The following SLC9A9 variants were observed in gnomAD, a reference collection of about 807,000 sequenced individuals.
SLC9A9 encodes the protein solute carrier family 9 member A9.
SLC9A9 carries 62 observed loss-of-function variants against 77.8 expected under a neutral mutation model. The ratio of observed to expected loss-of-function variants is 0.80; its 90% CI spans 0.65 to 0.98. SLC9A9 has a LOEUF of 0.98. SLC9A9 is among the 50% of genes least tolerant of loss of function. The pLI, the probability that SLC9A9 is intolerant of heterozygous loss-of-function variation, is 0.00. For synonymous variants in SLC9A9, 320 were observed against 283.5 expected (o/e 1.13, Z -1.29); for missense variants, 775 against 774.9 (o/e 1.00, Z 0.00).
rs142961845 is a variant in SLC9A9 at position 143,413,990 on chromosome 3, C to G, written c.1470-31876G>C. Among the ~76,000 whole-genome samples the G allele has an allele frequency of 2.9e-4, 44 of 152,370 alleles. 1 individual carries two copies. The East Asian group carries it at 8.5e-3, about 29-fold the overall frequency. On this transcript the variant is annotated intron_variant, in intron 12 of 15. Coordinates refer to ENST00000316549, the MANE Select transcript of SLC9A9 (RefSeq NM_173653.4). ...GACCATTTAAAGGCAAGGGCCAGTG[C>G]CTGGCCCAGGGCTAGACACATAGCA...
intron 12 of SLC9A9, among the ~76,000 whole-genome samples, chr3:143,399,936 C>T (rs1414798595): frequency 6.6e-6 from 1 of 152,124 alleles, no homozygotes; most frequent in African/African-American, 2.4e-5. Context: ...TTGTGGTAGA[C>T]ATGAAAAATT....
At chr3:143,531,505 C>T (rs1389234983) in intron 9 of SLC9A9, among the ~76,000 whole-genome samples, 1 of 152,168 alleles carries the variant, frequency 6.6e-6, no homozygotes, top group East Asian at 1.9e-4. Flanking sequence ...TCAAATAAGA[C>T]ATAATGTATA....
chr3:143,540,143 G>A (rs1298246349), intron 9 of SLC9A9, among the ~76,000 whole-genome samples: 1 of 151,996 alleles, frequency 6.6e-6, no homozygotes, highest in Admixed American at 6.6e-5. Context: ...TGCCTATTGG[G>A]TAGAGATAGT....
intron 5 of SLC9A9, among the ~76,000 whole-genome samples, chr3:143,688,184 C>T (rs1324268596): frequency 6.6e-6 from 1 of 151,894 alleles, no homozygotes. Context: ...CTCTTGGCCT[C>T]AAGCAATCCT....
intron 14 of SLC9A9, among the ~76,000 whole-genome samples, chr3:143,343,893 C>A (rs1252533069): frequency 1.3e-5 from 2 of 152,152 alleles, no homozygotes; most frequent in Admixed American, 6.5e-5. Context: ...AATGGTCTAA[C>A]CAGCTTGCAA....
At chr3:143,533,974 G>T (rs2036552527) in intron 9 of SLC9A9, among the ~76,000 whole-genome samples, 1 of 152,130 alleles carries the variant, frequency 6.6e-6, no homozygotes, top group Non-Finnish European at 1.5e-5. Flanking sequence ...AATTTACAAA[G>T]CTATGGCAAA....
chr3:143,358,254 T>C (rs1263138346), intron 14 of SLC9A9, among the ~76,000 whole-genome samples: 4 of 152,150 alleles, frequency 2.6e-5, no homozygotes, highest in Non-Finnish European at 5.9e-5. Flanking sequence ...CATCCTGCTG[T>C]GGGCTTTTCA....
At chr3:143,313,962 T>C (rs899975939) in intron 14 of SLC9A9, among the ~76,000 whole-genome samples, 12 of 152,264 alleles carry the variant, frequency 7.9e-5, no homozygotes, top group African/African-American at 2.9e-4. Context: ...CCCCCATAGC[T>C]GCCTCTCTGT....
At chr3:143,777,464 A>T (rs186778680) in intron 4 of SLC9A9, among the ~76,000 whole-genome samples, 1 of 152,192 alleles carries the variant, frequency 6.6e-6, no homozygotes, top group African/African-American at 2.4e-5. Context: ...TAGAATTAAG[A>T]TTTGTTCTGA....
chr3:143,640,469 T>G (rs1043359657), intron 6 of SLC9A9, among the ~76,000 whole-genome samples: 1 of 152,264 alleles, frequency 6.6e-6, no homozygotes, highest in East Asian at 1.9e-4. Context: ...ACTAGAGAGA[T>G]AACATTTCAA....
At chr3:143,660,165 C>T (rs964531884) in intron 5 of SLC9A9, among the ~76,000 whole-genome samples, 1 of 152,174 alleles carries the variant, frequency 6.6e-6, no homozygotes, top group African/African-American at 2.4e-5. Flanking sequence ...TTAAAATAGG[C>T]AGATCATGTT....
At chr3:143,618,820 G>A (rs757239517) in intron 6 of SLC9A9, among the ~76,000 whole-genome samples, 2 of 152,182 alleles carry the variant, frequency 1.3e-5, no homozygotes, top group South Asian at 2.1e-4. Flanking sequence ...CTATTTATTT[G>A]AAGAAGAAAT....
At position 143,266,729 on chromosome 3, in the gene SLC9A9, T is replaced by C. The variant is rs754858313; in HGVS notation, c.1911A>G (p.Gln637=). 9.9e-6 allele frequency: 16 copies of C among 1,614,056 alleles called. No homozygotes were observed. Among genetic ancestry groups the C allele is most frequent in the Non-Finnish European group, 1.4e-5 (16 of 1,180,036 alleles). ...GLGGYELKLE[Q]TLGQSQLN ...AATTCAACTGGGATTGACCCAAAGTTTGCTCAAGCTTGAGTTCATAGCCTC... is the reference window on the plus strand; with the variant it reads ...AATTCAACTGGGATTGACCCAAAGTCTGCTCAAGCTTGAGTTCATAGCCTC... Residue 637 remains glutamine (Q), a synonymous_variant, in exon 16 of 16, where the codon CAA becomes CAG. Transcript: ENST00000316549.
intron 8 of SLC9A9, among the ~76,000 whole-genome samples, chr3:143,556,978 G>A (rs761187514): frequency 2.0e-5 from 3 of 152,152 alleles, no homozygotes; most frequent in South Asian, 2.1e-4. Flanking sequence ...GTTGGAATTG[G>A]TATTTTTAAA....
intron 2 of SLC9A9, among the ~76,000 whole-genome samples, chr3:143,830,937 G>A (rs1266154126): frequency 1.3e-5 from 2 of 151,954 alleles, no homozygotes; most frequent in Non-Finnish European, 2.9e-5. Context: ...GTCTGATTTA[G>A]GCTAATATTA....
At chr3:143,437,109 G>C (rs1310827788) in intron 12 of SLC9A9, among the ~76,000 whole-genome samples, 3 of 152,176 alleles carry the variant, frequency 2.0e-5, no homozygotes, top group Non-Finnish European at 4.4e-5. Flanking sequence ...CATGTCAGCA[G>C]GACTAGGTCT....
At chr3:143,601,100 A>G (rs1308188501) in intron 6 of SLC9A9, among the ~76,000 whole-genome samples, 2 of 152,164 alleles carry the variant, frequency 1.3e-5, no homozygotes, top group African/African-American at 4.8e-5. Context: ...TTATTTTTCA[A>G]AATGTCTTGT....
chr3:143,774,797 T>C (rs575708693), intron 4 of SLC9A9, among the ~76,000 whole-genome samples: 1 of 152,284 alleles, frequency 6.6e-6, no homozygotes, highest in East Asian at 1.9e-4. Context: ...GCACTATCTC[T>C]ACAAGCCCAC....
chr3:143,818,102 T>C (rs2009069180), intron 2 of SLC9A9, among the ~76,000 whole-genome samples: 3 of 152,222 alleles, frequency 2.0e-5, no homozygotes, highest in Admixed American at 2.0e-4. Flanking sequence ...GTGGGATTAT[T>C]TTAATTATTT....
Sources: gnomAD v4.1 joint callset for allele counts (sites outside exome capture counted in the v4.1 genomes callset) on GRCh38, gnomAD v4.1.1 for gene constraint, MANE v1.5 for transcripts, NCBI Gene and HGNC (gene_info 2026-07-23, HGNC 2026-07-21) for gene names.